Variants in ZNF763 observed in about 807,000 individuals in gnomAD.
ZNF763 encodes DNA-binding protein.
ZNF763 carries 33 observed loss-of-function variants against 38.0 expected under a neutral mutation model. The observed-to-expected ratio is 0.87, with a 90% CI of 0.66 to 1.16. The LOEUF (loss-of-function observed/expected upper bound fraction) is 1.16. Among genes scored for constraint, ZNF763 ranks in the 50% most tolerant of loss-of-function variants. The pLI is 0.00. For missense variants in ZNF763, 423 were observed against 469.1 expected (o/e 0.90, Z 0.91); for synonymous variants, 155 against 160.1 (o/e 0.97, Z 0.24).
intron 1 of ZNF763, among the ~76,000 whole-genome samples, chr19:11,969,143 C>T (rs1188966475): frequency 6.6e-6 from 1 of 152,132 alleles, no homozygotes; most frequent in Non-Finnish European, 1.5e-5. Flanking sequence ...CTCACTCTGT[C>T]GGCTAGGCTG....
At chr19:11,965,465 C>A (rs987219396) in intron 1 of ZNF763, among the ~76,000 whole-genome samples, 15 of 152,304 alleles carry the variant, frequency 9.8e-5, no homozygotes, top group Non-Finnish European at 1.9e-4. Flanking sequence ...GGCAGTTCCG[C>A]GCCCGCAGCC....
chr19:11,978,463 C>A lies in ZNF763; in HGVS notation c.539C>A (p.Thr180Asn). The change falls in exon 4 of 4, where the codon ACC (threonine) becomes AAC (asparagine). Residue 180 changes from threonine to asparagine, a missense_variant. Thr to Asn is a moderately conservative substitution (Grantham distance 65). Coordinates refer to ENST00000358987, the MANE Select transcript of ZNF763 (RefSeq NM_001367172.2). ...TATGCTTGTAAAGAATGTGGAAAAA[C>A]CTTTATTTCCCATTCAGGCATTCGA... ...KPYACKECGK[T>N]FISHSGIRRR... The A allele has an allele frequency of 6.2e-7, 1 of 1,614,172 alleles. No homozygotes were observed. Among genetic ancestry groups the A allele is most frequent in the African/African-American group, 1.3e-5 (1 of 75,042 alleles).
At chr19:11,975,436 C>T (rs1049419262) in intron 1 of ZNF763, among the ~76,000 whole-genome samples, 24 of 146,906 alleles carry the variant, frequency 1.6e-4, no homozygotes, top group African/African-American at 4.5e-4. Flanking sequence ...CTTGCTCTGT[C>T]GCCCAGGCTG....
At position 11,968,014 on chromosome 19, in the gene ZNF763, G is replaced by A. The variant is rs552880122; in HGVS notation, c.3+2803G>A. The stretch of plus-strand genomic sequence containing the variant: ...TATTGGGACATCCGGATGTTCTGTC[G>A]TTGTGGGAGTGTAAGGATACTTGCA... On this transcript the variant is annotated intron_variant, in intron 1 of 3. Transcript: ENST00000358987. Among the ~76,000 whole-genome samples the A allele has an allele frequency of 4.1e-4, 63 of 152,272 alleles. 1 individual carries two copies. The highest frequency in any genetic ancestry group is 2.2e-3 in the Admixed American group (33 of 15,308).
At chr19:11,970,304 G>A (rs1213211877) in intron 1 of ZNF763, among the ~76,000 whole-genome samples, 6 of 152,360 alleles carry the variant, frequency 3.9e-5, no homozygotes, top group Admixed American at 6.5e-5. Context: ...CCACAGGGAG[G>A]TGGTCACCAG....
rs371555033 is a variant in ZNF763 at position 11,978,486 on chromosome 19, C to T, written c.562C>T (p.Arg188Ter). 53 of 1,614,036 alleles carry T rather than the reference C, an allele frequency of 3.3e-5. 1 individual carries two copies. The highest frequency in any genetic ancestry group is 1.7e-4 in the African/African-American group (13 of 74,906). Residue 188 changes from arginine (R) to a stop codon, truncating the protein, a stop_gained, in exon 4 of 4, where the codon CGA becomes TGA. Coordinates refer to ENST00000358987, the MANE Select transcript of ZNF763 (RefSeq NM_001367172.2). LOFTEE classifies it high-confidence loss of function. ...AACCTTTATTTCCCATTCAGGCATT[C>T]GAAGACGCATGGTAATGCACAGTGG... is the stretch of plus-strand genomic sequence containing the variant. ...GKTFISHSGI[R>*]RRMVMHSGDG...
Position 11,978,199 on chromosome 19 carries a change from T to C in ZNF763, c.275T>C (p.Leu92Pro), listed in dbSNP as rs1973537413. The C allele has an allele frequency of 6.2e-7, 1 of 1,613,640 alleles. No homozygotes were observed. The highest frequency in any genetic ancestry group is 2.2e-5 in the East Asian group (1 of 44,880). The change falls in exon 4 of 4, where the codon CTG (leucine) becomes CCG (proline). Residue 92 changes from leucine (L) to proline (P), a missense_variant. Transcript: ENST00000358987. Reference sequence around the variant, plus strand: ...TTTACCCAGGTTCCAGATGACAGGCTGAACTTCCAGGAGAAGAAAGCTTCT... The same window carrying C: ...TTTACCCAGGTTCCAGATGACAGGCCGAACTTCCAGGAGAAGAAAGCTTCT... ...ETFTQVPDDRLNFQEKKASPE... is the reference protein window; with the variant it reads ...ETFTQVPDDRPNFQEKKASPE...
rs1973586761 is a variant in ZNF763, at chr19:11,980,005, C to G, written c.*896C>G. ...ATGAGTGTAAGCAATGTGGGAAAGC[C>G]TTTATTTCTTTCACTTCTTTTCGAT... On this transcript the variant is annotated 3_prime_UTR_variant, in exon 4 of 4. Transcript: ENST00000358987. 4.3e-6 allele frequency: 5 copies of G among 1,157,224 alleles called. No individual in the cohort carries two copies. The highest frequency in any genetic ancestry group is 6.4e-6 in the Non-Finnish European group (5 of 780,700). 71.7% of individuals were successfully genotyped at this position (1,157,224 alleles called of 1,614,324 possible).
At chr19:11,973,859 G>A (rs1371454031) in intron 1 of ZNF763, among the ~76,000 whole-genome samples, 1 of 152,068 alleles carries the variant, frequency 6.6e-6, no homozygotes, top group Non-Finnish European at 1.5e-5. Flanking sequence ...GTAGGATTGA[G>A]ACTACTGAAT....
chr19:11,971,388 A>G (rs973589949), intron 1 of ZNF763, among the ~76,000 whole-genome samples: 1 of 152,174 alleles, frequency 6.6e-6, no homozygotes, highest in African/African-American at 2.4e-5. Flanking sequence ...TCAACTTCTA[A>G]TACTATAGTG....
rs370174613 is a variant in ZNF763, at chr19:11,978,888, C to T, written c.964C>T (p.Arg322Cys). The T allele has an allele frequency of 1.4e-5, 23 of 1,613,256 alleles. No individual in the cohort carries two copies. The highest frequency in any genetic ancestry group is 5.0e-5 in the Admixed American group (3 of 59,922). Residue 322 changes from arginine (R) to cysteine (C), a missense_variant, in exon 4 of 4, where the codon CGT becomes TGT. Transcript: ENST00000358987. ...ATGTAGCAAATGTAATAAAGCATTCCGTAGTTACAGATCCTATCTTAGACA... is the reference window on the plus strand; with the variant it reads ...ATGTAGCAAATGTAATAAAGCATTCTGTAGTTACAGATCCTATCTTAGACA... ...CECSKCNKAF[R>C]SYRSYLRHKR...
At chr19:11,965,773 C>T (rs1228416909) in intron 1 of ZNF763, among the ~76,000 whole-genome samples, 1 of 152,176 alleles carries the variant, frequency 6.6e-6, no homozygotes, top group Non-Finnish European at 1.5e-5. Context: ...GGAAACACAA[C>T]CCCAAGAAGC....
rs1973547563 is a variant in ZNF763 at position 11,978,543 on chromosome 19, A to G, written c.619A>G (p.Lys207Glu). The change falls in exon 4 of 4, where the codon AAA (lysine) becomes GAA (glutamate). Residue 207 changes from lysine to glutamate, a missense_variant. Transcript: ENST00000358987. ...DGPYKCKFCG[K>E]AVHCLRLYLI... is the part of the protein sequence containing the mutation. Reference sequence around the variant, plus strand: ...ACCTTATAAATGTAAGTTTTGTGGGAAAGCTGTCCATTGTCTCAGATTATA... The same window carrying G: ...ACCTTATAAATGTAAGTTTTGTGGGGAAGCTGTCCATTGTCTCAGATTATA... 16 of 1,614,250 alleles carry G rather than the reference A, an allele frequency of 9.9e-6. No individual in the cohort carries two copies. The highest frequency in any genetic ancestry group is 1.4e-5 in the Non-Finnish European group (16 of 1,180,036).
At chr19:11,968,792 G>A (rs1454582839) in intron 1 of ZNF763, among the ~76,000 whole-genome samples, 2 of 152,144 alleles carry the variant, frequency 1.3e-5, no homozygotes, top group East Asian at 3.9e-4. Context: ...GGCCGAGGCA[G>A]GTGGATGGCT....
chr19:11,968,534 A>C (rs1198375541), intron 1 of ZNF763, among the ~76,000 whole-genome samples: 1 of 152,196 alleles, frequency 6.6e-6, no homozygotes, highest in Non-Finnish European at 1.5e-5. Context: ...GAGCAAATGC[A>C]TGTGGATAAC....
chr19:11,965,257 T>C (rs1973200259), intron 1 of ZNF763, 46 bp downstream of exon 1: 6 of 1,612,918 alleles, frequency 3.7e-6, no homozygotes, highest in Non-Finnish European at 3.4e-6. Context: ...AGAGGCTGCC[T>C]GGAACCGGCC....
chr19:11,971,448 T>C (rs8100892), intron 1 of ZNF763, among the ~76,000 whole-genome samples: 76,330 of 152,028 alleles, frequency 0.5, 19,619 homozygotes, highest in East Asian at 0.66. Context: ...CAAATATTCA[T>C]GCCGTAACAC....
chr19:11,978,859 G>C lies in ZNF763; in HGVS notation c.935G>C (p.Cys312Ser). ...AGAACTCACACTGGGGAGAAGCCCT[G>C]TGAATGTAGCAAATGTAATAAAGCA... ...HERTHTGEKP[C>S]ECSKCNKAFR... The change falls in exon 4 of 4, where the codon TGT becomes TCT. Residue 312 changes from cysteine to serine, a missense_variant. Cys to Ser is a moderately radical substitution (Grantham distance 112). Transcript: ENST00000358987. 6.2e-7 allele frequency: 1 copy of C among 1,613,636 alleles called. No homozygotes were observed. The highest frequency in any genetic ancestry group is 8.5e-7 in the Non-Finnish European group (1 of 1,179,900).
In ZNF763 at chr19:11,978,645, G is replaced by T; in HGVS notation, c.721G>T (p.Ala241Ser). The T allele has an allele frequency of 3.1e-6, 5 of 1,613,846 alleles. No individual in the cohort carries two copies. The highest frequency in any genetic ancestry group is 4.2e-6 in the Non-Finnish European group (5 of 1,179,936). Residue 241 changes from alanine to serine, a missense_variant, in exon 4 of 4, where the codon GCT becomes TCT. Physicochemically the swap from Ala to Ser is moderately conservative, Grantham distance 99. Coordinates refer to ENST00000358987, the MANE Select transcript of ZNF763 (RefSeq NM_001367172.2). Reference protein sequence around the residue: ...KQCVKSFSYSATHRIHERTHT... With the variant: ...KQCVKSFSYSSTHRIHERTHT... ...ATGTGTTAAATCCTTTAGTTATTCT[G>T]CTACCCATCGAATACATGAAAGAAC... is the stretch of plus-strand genomic sequence containing the variant.
Sources: gnomAD v4.1 joint callset for allele counts (sites outside exome capture counted in the v4.1 genomes callset) on GRCh38, gnomAD v4.1.1 for gene constraint, MANE v1.5 for transcripts, NCBI Gene and HGNC (gene_info 2026-07-23, HGNC 2026-07-21) for gene names.